MPC1: variants seen among roughly 807,000 people sequenced by gnomAD.
MPC1 encodes the protein mitochondrial pyruvate carrier 1.
Under a neutral mutation model 13.9 loss-of-function variants are expected in MPC1, and 6 were observed. That is an observed-to-expected ratio of 0.43 (90% CI 0.24 to 0.85). The LOEUF (loss-of-function observed/expected upper bound fraction) is 0.85. Ranked by LOEUF, MPC1 falls within the 40% of genes least tolerant of loss-of-function variation. The pLI is 0.24. For synonymous variants in MPC1, 47 were observed against 50.5 expected (o/e 0.93, Z 0.29); for missense variants, 115 against 143.3 (o/e 0.80, Z 1.01).
At chr6:166,370,382 T>G in intron 1 of MPC1, 161 bp from the exon 2 acceptor site, 2 of 561,052 alleles carry the variant, frequency 3.6e-6, no homozygotes, top group Non-Finnish European at 6.3e-6. Flanking sequence ...TCTTTTATTA[T>G]TTTTAAAAGA....
chr6:166,367,102 T>C (rs1429395919), intron 2 of MPC1: 3 of 1,403,332 alleles, frequency 2.1e-6, no homozygotes, highest in Non-Finnish European at 2.8e-6. Context: ...TTCTTACAGC[T>C]GAGCCCAGAG....
chr6:166,365,862 G>C lies in MPC1; in HGVS notation c.305+112C>G. On this transcript the variant is annotated intron_variant, in intron 4 of 4. Transcript: ENST00000360961. This position sits in a 1 kb window ranked among gnomAD's most constrained non-coding sequence, Gnocchi z 4.2. ...AAGTTGTTTCCCCAACTGCTAAAGC[G>C]CATCTATACACACTCCAGTCCCGCA... 7.5e-6 allele frequency: 10 copies of C among 1,337,972 alleles called. No homozygotes were observed. In the South Asian group the frequency reaches 9.4e-5, roughly 13 times the overall value. The allele number at this position is 1,337,972 out of a possible 1,614,324, so 82.9% of individuals were successfully genotyped here.
intron 1 of MPC1, among the ~76,000 whole-genome samples, chr6:166,376,911 AAT>A (rs1188869333): frequency 1.3e-5 from 2 of 152,158 alleles, no homozygotes; most frequent in East Asian, 1.9e-4. Flanking sequence ...CCACTTGTAC[AAT>A]ATGTCTTTTA....
chr6:166,371,083 G>T (rs560988228), intron 1 of MPC1, among the ~76,000 whole-genome samples: 1 of 152,268 alleles, frequency 6.6e-6, no homozygotes, highest in African/African-American at 2.4e-5. Flanking sequence ...GTGGCTAGTG[G>T]CTCTCAAATT....
chr6:166,365,829 G>T lies in MPC1; in HGVS notation c.305+145C>A. On this transcript the variant is annotated intron_variant, in intron 4 of 4. Transcript: ENST00000360961. The surrounding 1 kb of genome is among the most constrained non-coding windows in gnomAD (Gnocchi z 4.2). ...TATCCTAGTTCATGTTAACTTTCAT[G>T]GTTTAGTAAGTTGTTTCCCCAACTG... The T allele has an allele frequency of 9.3e-7, 1 of 1,072,488 alleles. No homozygotes were observed. Among genetic ancestry groups the T allele is most frequent in the Non-Finnish European group, 1.3e-6 (1 of 774,652 alleles). 66.4% of individuals were successfully genotyped at this position (1,072,488 alleles called of 1,614,324 possible).
chr6:166,379,651 C>T (rs116255918), intron 1 of MPC1, among the ~76,000 whole-genome samples: 3,003 of 152,156 alleles, frequency 0.02, 101 homozygotes, highest in African/African-American at 0.067. Context: ...TCTAGAACAG[C>T]TTTAGTTGAG....
chr6:166,367,235 A>T (rs1352838369), intron 2 of MPC1: 9 of 1,042,556 alleles, frequency 8.6e-6, no homozygotes, highest in Non-Finnish European at 9.6e-6. Context: ...TACACAATCC[A>T]TTGTTGCTAT....
At chr6:166,380,939 CAAAAAAAAAAAA>C (rs1175434820) in intron 1 of MPC1, among the ~76,000 whole-genome samples, 10 of 47,728 alleles carry the variant, frequency 2.1e-4, no homozygotes, top group African/African-American at 2.6e-4. Flanking sequence ...AACTCTGTCT[CAAAAAAAAAAAA>C]AAAAAAAAAA....
intron 1 of MPC1, among the ~76,000 whole-genome samples, chr6:166,375,166 C>G (rs115439842): frequency 0.011 from 1,712 of 152,264 alleles, 27 homozygotes; most frequent in African/African-American, 0.04. Flanking sequence ...GGTGGGATGA[C>G]TAAGTGACTA....
chr6:166,382,567 C>A (rs967248684), intron 1 of MPC1, among the ~76,000 whole-genome samples: 51 of 152,142 alleles, frequency 3.4e-4, no homozygotes, highest in African/African-American at 1.2e-3. Flanking sequence ...CCACTGTCAC[C>A]CCCGCCCTGA....
Position 166,365,270 on chromosome 6 carries a change from T to G in MPC1, c.*159A>C. ...TTAATACTTGTAAGGCAGCAGAGAG[T>G]TGGTTTAGAAACTCTCAGCTATTTC... is the stretch of plus-strand genomic sequence containing the variant. On this transcript the variant is annotated 3_prime_UTR_variant, in exon 5 of 5. Coordinates refer to ENST00000360961, the MANE Select transcript of MPC1 (RefSeq NM_016098.4). This position sits in a 1 kb window ranked among gnomAD's most constrained non-coding sequence, Gnocchi z 4.2. 1 of 527,176 alleles carries G rather than the reference T, an allele frequency of 1.9e-6. No individual in the cohort carries two copies. 32.7% of individuals were successfully genotyped at this position (527,176 alleles called of 1,614,324 possible). A position where few individuals can be genotyped will look rare whatever the true frequency, so the allele number is the denominator to read the frequency against.
At chr6:166,369,696 T>C (rs1156282562) in intron 2 of MPC1, among the ~76,000 whole-genome samples, 1 of 152,232 alleles carries the variant, frequency 6.6e-6, no homozygotes, top group Non-Finnish European at 1.5e-5. Context: ...TATTCAGCAG[T>C]CAATTTTGAG....
chr6:166,377,292 G>C (rs1779605814), intron 1 of MPC1, among the ~76,000 whole-genome samples: 1 of 152,080 alleles, frequency 6.6e-6, no homozygotes, highest in Non-Finnish European at 1.5e-5. Context: ...TGGGCACTGG[G>C]CCTGCTCATG....
intron 1 of MPC1, among the ~76,000 whole-genome samples, chr6:166,379,480 T>TTA (rs1554266202): frequency 1.3e-5 from 2 of 152,042 alleles, no homozygotes; most frequent in African/African-American, 4.8e-5. Flanking sequence ...GGTGACAGAG[T>TTA]AATACCCTGT....
rs951807892 is a variant in MPC1, at chr6:166,365,877, C to T, written c.305+97G>A. On this transcript the variant is annotated intron_variant, in intron 4 of 4. Coordinates refer to ENST00000360961, the MANE Select transcript of MPC1 (RefSeq NM_016098.4). This position sits in a 1 kb window ranked among gnomAD's most constrained non-coding sequence, Gnocchi z 4.2. ...CTGCTAAAGCGCATCTATACACACT[C>T]CAGTCCCGCAGCACTCCCTCAGAAA... The T allele has an allele frequency of 5.3e-6, 8 of 1,500,352 alleles. No homozygotes were observed. In the African/African-American group the frequency reaches 9.7e-5, roughly 18 times the overall value. 92.9% of individuals were successfully genotyped at this position (1,500,352 alleles called of 1,614,324 possible).
intron 1 of MPC1, among the ~76,000 whole-genome samples, chr6:166,373,545 T>C (rs528562136): frequency 1.3e-5 from 2 of 152,364 alleles, no homozygotes; most frequent in South Asian, 4.1e-4. Flanking sequence ...ACATCTTGTT[T>C]GCTTCCAAAT....
Position 166,365,396 on chromosome 6 carries a change from TC to T in MPC1, c.*32del. 1 of 1,525,962 alleles carries T rather than the reference TC, an allele frequency of 6.6e-7. No individual in the cohort carries two copies. The allele number at this position is 1,525,962 out of a possible 1,614,324, so 94.5% of individuals were successfully genotyped here. A position where few individuals can be genotyped will look rare whatever the true frequency, so the allele number is the denominator to read the frequency against. ...GACTCAGCAGCAGCTGGCAATGCTG[TC>T]CCTTCAAGACCTTGTTCTTCCTTTT... is the stretch of plus-strand genomic sequence containing the variant. On this transcript the variant is annotated 3_prime_UTR_variant, in exon 5 of 5. Coordinates refer to ENST00000360961, the MANE Select transcript of MPC1 (RefSeq NM_016098.4). The surrounding 1 kb of genome is among the most constrained non-coding windows in gnomAD (Gnocchi z 4.2).
At position 166,365,390 on chromosome 6, in the gene MPC1, A is replaced by G. The variant is rs779377029; in HGVS notation, c.*39T>C. The G allele has an allele frequency of 1.3e-6, 2 of 1,515,406 alleles. No homozygotes were observed. The highest frequency in any genetic ancestry group is 1.3e-5 in the South Asian group (1 of 77,070). 93.9% of individuals were successfully genotyped at this position (1,515,406 alleles called of 1,614,324 possible). A position where few individuals can be genotyped will look rare whatever the true frequency, so the allele number is the denominator to read the frequency against. On this transcript the variant is annotated 3_prime_UTR_variant, in exon 5 of 5. Coordinates refer to ENST00000360961, the MANE Select transcript of MPC1 (RefSeq NM_016098.4). The surrounding 1 kb of genome is among the most constrained non-coding windows in gnomAD (Gnocchi z 4.2). ...ATCTGTGACTCAGCAGCAGCTGGCA[A>G]TGCTGTCCCTTCAAGACCTTGTTCT...
At chr6:166,382,600 C>T (rs527894835) in intron 1 of MPC1, among the ~76,000 whole-genome samples, 35 of 152,344 alleles carry the variant, frequency 2.3e-4, no homozygotes, top group African/African-American at 7.9e-4. Context: ...GTCACCGGCT[C>T]TCTACGCCGT....
Sources: gnomAD v4.1 joint callset for allele counts (sites outside exome capture counted in the v4.1 genomes callset) on GRCh38, gnomAD v4.1.1 for gene constraint, Gnocchi (gnomAD v3.1) non-coding constraint, MANE v1.5 for transcripts, NCBI Gene and HGNC (gene_info 2026-07-23, HGNC 2026-07-21) for gene names.